Variants in EPHB1 observed in about 807,000 individuals in gnomAD.
The protein encoded by EPHB1 is ephrin type-B receptor 1.
EPHB1 carries 30 observed loss-of-function variants against 94.4 expected under a neutral mutation model. The ratio of observed to expected loss-of-function variants is 0.32; its 90% CI spans 0.24 to 0.43. The LOEUF (loss-of-function observed/expected upper bound fraction) is 0.43, where lower values mean the gene tolerates loss of function less well. EPHB1 is among the 20% of genes least tolerant of loss of function. The pLI is 1.00. For missense variants in EPHB1, 1,055 were observed against 1,308.3 expected, an observed-to-expected ratio of 0.81 and a Z score of 2.99; for synonymous variants, 522 against 489.1, an observed-to-expected ratio of 1.07 and a Z score of -0.89.
chr3:135,228,208 G>A (rs914399760), intron 12 of EPHB1, among the ~76,000 whole-genome samples: 2 of 151,880 alleles, frequency 1.3e-5, no homozygotes, highest in Admixed American at 6.5e-5. Context: ...CTTTTAATCA[G>A]GAAAATTTTC....
intron 13 of EPHB1, among the ~76,000 whole-genome samples, chr3:135,247,815 TC>T (rs1282296632): frequency 3.5e-4 from 53 of 152,192 alleles, no homozygotes; most frequent in African/African-American, 1.2e-3. Context: ...GAGTAAGTGC[TC>T]CATCAATGCT....
At chr3:135,092,775 G>A (rs553810811) in intron 3 of EPHB1, among the ~76,000 whole-genome samples, 40 of 152,240 alleles carry the variant, frequency 2.6e-4, no homozygotes, top group African/African-American at 8.9e-4. Context: ...ACAGGCATGC[G>A]CCACTACTCC....
At chr3:134,976,501 G>A (rs1020434) in intron 3 of EPHB1, among the ~76,000 whole-genome samples, 95,238 of 152,138 alleles carry the variant, frequency 0.63, 31,479 homozygotes, top group African/African-American at 0.81. Context: ...TAATTTTGTC[G>A]CAGGACAGTT....
At chr3:134,986,611 A>T (rs1284057407) in intron 3 of EPHB1, among the ~76,000 whole-genome samples, 1 of 152,224 alleles carries the variant, frequency 6.6e-6, no homozygotes, top group South Asian at 2.1e-4. Flanking sequence ...TTTCCAGTCC[A>T]TATTGGACCT....
chr3:135,156,927 C>T (rs961370908), intron 6 of EPHB1, among the ~76,000 whole-genome samples: 5 of 152,164 alleles, frequency 3.3e-5, no homozygotes, highest in Non-Finnish European at 7.3e-5. Flanking sequence ...GTCCCCCTTC[C>T]CACACATATA....
At chr3:135,021,584 A>G (rs1039885167) in intron 3 of EPHB1, among the ~76,000 whole-genome samples, 2 of 145,854 alleles carry the variant, frequency 1.4e-5, no homozygotes, top group South Asian at 2.1e-4. Flanking sequence ...TGCAATTTCT[A>G]TGTCTTTAAT....
intron 2 of EPHB1, among the ~76,000 whole-genome samples, chr3:134,948,326 C>CTG (rs2107713341): frequency 1.0e-5 from 1 of 96,662 alleles, no homozygotes; most frequent in South Asian, 3.4e-4. Flanking sequence ...AATAGCAGAA[C>CTG]AGTAAAAAAA....
intron 3 of EPHB1, among the ~76,000 whole-genome samples, chr3:135,061,145 A>T (rs2400399): frequency 1.3e-5 from 2 of 152,080 alleles, no homozygotes; most frequent in African/African-American, 4.8e-5. Context: ...AAAAATTTCC[A>T]TAGGTTATTG....
intron 12 of EPHB1, among the ~76,000 whole-genome samples, chr3:135,216,854 G>A (rs1208730369): frequency 1.3e-5 from 2 of 151,832 alleles, no homozygotes; most frequent in African/African-American, 4.8e-5. Context: ...CAGATGCCCT[G>A]TTAACTGGGG....
At chr3:135,239,928 G>C (rs1429343064) in intron 12 of EPHB1, among the ~76,000 whole-genome samples, 1 of 152,166 alleles carries the variant, frequency 6.6e-6, no homozygotes. Context: ...TGTAGGTGCT[G>C]ATGAGAAACT....
intron 1 of EPHB1, among the ~76,000 whole-genome samples, chr3:134,876,940 A>G (rs1165651616): frequency 6.6e-6 from 1 of 152,168 alleles, no homozygotes; most frequent in African/African-American, 2.4e-5. Flanking sequence ...ATGAATTCCC[A>G]GTGGAATGAA....
Position 135,192,963 on chromosome 3 carries a change from T to C in EPHB1, c.2130+140T>C, listed in dbSNP as rs1279510799. 3 of 1,223,406 alleles carry C rather than the reference T, an allele frequency of 2.5e-6. No individual in the cohort carries two copies. The African/African-American group carries it at 4.5e-5, about 18-fold the overall frequency. The allele number at this position is 1,223,406 out of a possible 1,614,324, so 75.8% of individuals were successfully genotyped here. On this transcript the variant is annotated intron_variant, in intron 11 of 15. Coordinates refer to ENST00000398015, the MANE Select transcript of EPHB1 (RefSeq NM_004441.5). ...GGGCATTGGAGATGTTAGCAGAGATTTGTTGCTAAAAGAAGAGAACAAAAC... is the reference window on the plus strand; with the variant it reads ...GGGCATTGGAGATGTTAGCAGAGATCTGTTGCTAAAAGAAGAGAACAAAAC...
chr3:135,049,961 C>T (rs1937121263), intron 3 of EPHB1, among the ~76,000 whole-genome samples: 1 of 152,184 alleles, frequency 6.6e-6, no homozygotes, highest in South Asian at 2.1e-4. Context: ...TCCAGTGGTA[C>T]CCCGGGACCC....
At chr3:135,185,848 C>T (rs1045607337) in intron 10 of EPHB1, among the ~76,000 whole-genome samples, 1 of 152,198 alleles carries the variant, frequency 6.6e-6, no homozygotes, top group African/African-American at 2.4e-5. Flanking sequence ...TTTGAATACT[C>T]AAGCCTCGTT....
At chr3:135,246,463 C>T (rs1022745688) in intron 13 of EPHB1, among the ~76,000 whole-genome samples, 1 of 152,162 alleles carries the variant, frequency 6.6e-6, no homozygotes, top group Non-Finnish European at 1.5e-5. Flanking sequence ...GCCGACACCT[C>T]CAGGGGCTGT....
intron 1 of EPHB1, among the ~76,000 whole-genome samples, chr3:134,821,332 A>G (rs1265789657): frequency 2.6e-5 from 4 of 152,206 alleles, no homozygotes; most frequent in Non-Finnish European, 5.9e-5. Context: ...TTGAGCGACC[A>G]TGTTCCAGTC....
chr3:135,179,506 T>G (rs1420372955), intron 9 of EPHB1, among the ~76,000 whole-genome samples: 1 of 152,206 alleles, frequency 6.6e-6, no homozygotes, highest in East Asian at 1.9e-4. Flanking sequence ...TACCACCACT[T>G]TTCTGCTAAT....
At chr3:135,032,407 A>G (rs903388778) in intron 3 of EPHB1, among the ~76,000 whole-genome samples, 4 of 151,224 alleles carry the variant, frequency 2.6e-5, no homozygotes, top group African/African-American at 9.7e-5. Context: ...TTTTACTTTC[A>G]TGAGTGCAAT....
intron 3 of EPHB1, among the ~76,000 whole-genome samples, chr3:134,968,348 T>A (rs1277639446): frequency 6.6e-6 from 1 of 152,290 alleles, no homozygotes; most frequent in Non-Finnish European, 1.5e-5. Flanking sequence ...CATATATGAA[T>A]TGTGGGAAGA....
Sources: gnomAD v4.1 joint callset for allele counts (sites outside exome capture counted in the v4.1 genomes callset) on GRCh38, gnomAD v4.1.1 for gene constraint, MANE v1.5 for transcripts, NCBI Gene and HGNC (gene_info 2026-07-23, HGNC 2026-07-21) for gene names.